TPPP2: variants seen among roughly 807,000 people sequenced by gnomAD.
TPPP2 encodes tubulin polymerization-promoting protein family member 2.
In TPPP2, 8 loss-of-function variants were observed where a neutral mutation model predicts 13.0. The ratio of observed to expected loss-of-function variants is 0.62; its 90% confidence interval spans 0.36 to 1.11. TPPP2 has a LOEUF of 1.11. Among genes scored for constraint, TPPP2 ranks in the 50% most tolerant of loss-of-function variants. The pLI is 0.02. For synonymous variants in TPPP2, 81 were observed against 81.8 expected, an observed-to-expected ratio of 0.99 and a Z score of 0.05; for missense variants, 213 against 216.9, an observed-to-expected ratio of 0.98 and a Z score of 0.11.
At chr14:21,036,297 T>A (rs1353119910), downstream of TPPP2, 1 of 456,142 alleles carries the variant, frequency 2.2e-6, no homozygotes, top group Non-Finnish European at 4.4e-6. Context: ...GATCCCTTCT[T>A]TCGTCTAAAA....
chr14:21,033,627 G>C (rs1161225824), downstream of TPPP2: 6 of 605,342 alleles, frequency 9.9e-6, no homozygotes, highest in Non-Finnish European at 1.5e-5. Flanking sequence ...AAACAAGCTG[G>C]AAAGAACCTA....
chr14:21,031,284 G>C, intron 3 of TPPP2, 119 bp downstream of exon 3: 1 of 1,341,696 alleles, frequency 7.5e-7, no homozygotes, highest in Non-Finnish European at 1.0e-6. Context: ...AGACTTTAGA[G>C]ATCATCTAGA....
At chr14:21,030,833 A>C in intron 2 of TPPP2, 79 bp downstream of exon 2, 2 of 1,550,732 alleles carry the variant, frequency 1.3e-6, no homozygotes, top group South Asian at 2.4e-5. Context: ...ACGTGGTGGA[A>C]CATTTGCAGT....
At chr14:21,024,949 G>A (rs2297062) in intron 1 of TPPP2, 85,077 of 985,510 alleles carry the variant, frequency 0.086, 3,909 homozygotes, top group East Asian at 0.17. Flanking sequence ...AGCTCCAGGG[G>A]ACGCGGATCA....
Position 21,032,132 on chromosome 14 carries a change from G to A in TPPP2, c.*55G>A. ...CCTGACCCTGCATGTTTAACACCAG[G>A]GAGCTTGGAAAACAATAAACATCTG... On this transcript the variant is annotated 3_prime_UTR_variant, in exon 4 of 4. Coordinates refer to ENST00000321760, the MANE Select transcript of TPPP2 (RefSeq NM_173846.5). 1 of 1,564,880 alleles carries A rather than the reference G, an allele frequency of 6.4e-7. No homozygotes were observed. Among genetic ancestry groups the A allele is most frequent in the Middle Eastern group, 1.7e-4 (1 of 5,720 alleles).
Position 21,025,172 on chromosome 14 carries a change from T to G in TPPP2, n.236+828T>G. Reference sequence around the variant, plus strand: ...CCGCAGACCCGCCCCAGACCCCCAGTAAACACGCCCCCCCTTTCACCCCGC... The same window carrying G: ...CCGCAGACCCGCCCCAGACCCCCAGGAAACACGCCCCCCCTTTCACCCCGC... On this transcript the variant is annotated intron_variant and non_coding_transcript_variant, in intron 1 of 1. Transcript: ENST00000533755. This position sits in a 1 kb window ranked among gnomAD's most constrained non-coding sequence, Gnocchi z 5.1. 2.2e-6 allele frequency: 2 copies of G among 901,870 alleles called. No individual in the cohort carries two copies. Among genetic ancestry groups the G allele is most frequent in the Non-Finnish European group, 2.7e-6 (2 of 754,276 alleles). 55.9% of individuals were successfully genotyped at this position (901,870 alleles called of 1,614,324 possible). A position where few individuals can be genotyped will look rare whatever the true frequency, so the allele number is the denominator to read the frequency against.
At chr14:21,031,394 T>A in intron 3 of TPPP2, 1 of 536,550 alleles carries the variant, frequency 1.9e-6, no homozygotes, top group Non-Finnish European at 3.1e-6. Context: ...TCCAAGTGTC[T>A]AGTATCTGAG....
downstream of TPPP2, chr14:21,033,442 GGAGCTGGTGCCTGTTGCCATGGTGT>G (rs1884384264): frequency 3.3e-6 from 1 of 299,252 alleles, no homozygotes; most frequent in Non-Finnish European, 6.4e-6. Context: ...GGTGAGACTC[GGAGCTGGTGCCTGTTGCCATGGTGT>G]GAGCTGAGGC....
chr14:21,026,961 C>T (rs751439438), upstream of TPPP2, among the ~76,000 whole-genome samples: 11 of 152,096 alleles, frequency 7.2e-5, no homozygotes, highest in Non-Finnish European at 1.3e-4. Context: ...AGAACTTTTG[C>T]CTGCAGGCTT....
Position 21,030,553 on chromosome 14 carries a change from C to T in TPPP2, c.-29C>T, listed in dbSNP as rs762503372. 5.3e-5 allele frequency: 85 copies of T among 1,607,194 alleles called. No individual in the cohort carries two copies. The highest frequency in any genetic ancestry group is 4.5e-4 in the African/African-American group (34 of 74,844). On this transcript the variant is annotated 5_prime_UTR_variant, in exon 2 of 4. It adds an upstream start codon to the 5' untranslated region. Transcript: ENST00000321760. ...CTCCTTCACCCCCAAGTGTCTCCCACGACTGCCCTCCCCGACCTCTAGCTG... is the reference window on the plus strand; with the variant it reads ...CTCCTTCACCCCCAAGTGTCTCCCATGACTGCCCTCCCCGACCTCTAGCTG...
At chr14:21,036,035 A>G, downstream of TPPP2, 2 of 378,690 alleles carry the variant, frequency 5.3e-6, no homozygotes, top group South Asian at 4.0e-5. Flanking sequence ...ACCTCACGGC[A>G]GTATGAGGAT....
At chr14:21,024,341 G>A (rs1882577171) in exon 1 of TPPP2, 2 of 977,576 alleles carry the variant, frequency 2.0e-6, no homozygotes, top group Non-Finnish European at 2.4e-6. Context: ...GTGCTGATGT[G>A]GAGGTAAGAG....
Position 21,031,972 on chromosome 14 carries a change from G to C in TPPP2, c.408G>C (p.Glu136Asp), listed in dbSNP as rs1884221111. Residue 136 changes from glutamate to aspartate, a missense_variant, in exon 4 of 4, where the codon GAG becomes GAC. Transcript: ENST00000321760. Reference sequence around the variant, plus strand: ...GCACCCACAAGGAGCGCTTTGATGAGAGTGGCAAGGGCAAGGGCATTGCGG... The same window carrying C: ...GCACCCACAAGGAGCGCTTTGATGACAGTGGCAAGGGCAAGGGCATTGCGG... ...YTGTHKERFD[E>D]SGKGKGIAGR... 1 of 1,614,194 alleles carries C rather than the reference G, an allele frequency of 6.2e-7. No individual in the cohort carries two copies. The highest frequency in any genetic ancestry group is 8.5e-7 in the Non-Finnish European group (1 of 1,180,038).
At chr14:21,029,714 G>T (rs1306218598), upstream of TPPP2, among the ~76,000 whole-genome samples, 1 of 152,150 alleles carries the variant, frequency 6.6e-6, no homozygotes, top group Non-Finnish European at 1.5e-5. Flanking sequence ...TTCTGAATGG[G>T]ATTCATACCC....
chr14:21,029,045 T>A (rs1032017393), upstream of TPPP2: 2 of 152,194 alleles, frequency 1.3e-5, no homozygotes, highest in African/African-American at 4.8e-5. Context: ...TATCTGAAGA[T>A]TTTCAGAATC....
rs867727938 is a variant in TPPP2, at chr14:21,025,024, C to A, written n.236+680C>A. On this transcript the variant is annotated intron_variant and non_coding_transcript_variant, in intron 1 of 1. Transcript: ENST00000533755. The surrounding 1 kb of genome is among the most constrained non-coding windows in gnomAD (Gnocchi z 5.1). ...CTACGGCCCCTCGCCTGCCCCTCCC[C>A]CTACCTGCTGCCGCCGCGGCCGCTT... The A allele has an allele frequency of 3.0e-6, 3 of 986,102 alleles. No homozygotes were observed. The highest frequency in any genetic ancestry group is 2.4e-6 in the Non-Finnish European group (2 of 830,482). The allele number at this position is 986,102 out of a possible 1,614,324, so 61.1% of individuals were successfully genotyped here.
intron 1 of TPPP2, chr14:21,024,771 G>GC: frequency 3.0e-6 from 3 of 985,582 alleles, no homozygotes; most frequent in Non-Finnish European, 2.4e-6. Flanking sequence ...TCCCTACGCA[G>GC]CCCGTCCGCG....
chr14:21,033,995 T>C (rs1453510091), downstream of TPPP2: 1 of 1,614,062 alleles, frequency 6.2e-7, no homozygotes, highest in East Asian at 2.2e-5. Context: ...GTGTGCAGTA[T>C]TCATTGTAAT....
At chr14:21,024,352 G>A (rs1349532472) in intron 1 of TPPP2, 2 of 971,584 alleles carry the variant, frequency 2.1e-6, no homozygotes, top group Non-Finnish European at 2.4e-6. Flanking sequence ...GAGGTAAGAG[G>A]GTGGCCCTGT....
Sources: allele counts gnomAD v4.1 joint callset (sites outside exome capture counted in the v4.1 genomes callset), GRCh38; gene constraint gnomAD v4.1.1; non-coding constraint Gnocchi (gnomAD v3.1); transcripts MANE v1.5; gene names NCBI Gene and HGNC (gene_info 2026-07-23, HGNC 2026-07-21).